Variants in PDE6D observed in about 807,000 individuals in gnomAD.
PDE6D encodes the protein retinal rod rhodopsin-sensitive cGMP 3',5'-cyclic phosphodiesterase subunit delta.
A neutral mutation model predicts 21.9 loss-of-function variants in PDE6D; 10 were observed. The observed-to-expected ratio is 0.46, with a 90% CI of 0.28 to 0.78. The LOEUF is 0.78. PDE6D is among the 30% of genes least tolerant of loss of function. The pLI is 0.12. For missense variants in PDE6D, 139 were observed against 184.8 expected, an observed-to-expected ratio of 0.75 and a Z score of 1.44; for synonymous variants, 59 against 63.5, an observed-to-expected ratio of 0.93 and a Z score of 0.34.
chr2:231,747,535 G>C (rs1301421422), intron 1 of PDE6D, among the ~76,000 whole-genome samples: 1 of 152,084 alleles, frequency 6.6e-6, no homozygotes, highest in Non-Finnish European at 1.5e-5. Flanking sequence ...ATTCTTTATT[G>C]TCTCCCATCT....
At chr2:231,767,864 G>A (rs973019594) in intron 1 of PDE6D, among the ~76,000 whole-genome samples, 1 of 139,424 alleles carries the variant, frequency 7.2e-6, no homozygotes, top group African/African-American at 2.7e-5. Context: ...TTCCAGACAA[G>A]TTCTTGCTCT....
At chr2:231,779,863 T>C (rs2049089642) in intron 1 of PDE6D, among the ~76,000 whole-genome samples, 1 of 152,224 alleles carries the variant, frequency 6.6e-6, no homozygotes, top group South Asian at 2.1e-4. Context: ...TTTCTGATTA[T>C]AGCAAAGCAA....
At chr2:231,757,108 G>A (rs1296983981) in intron 1 of PDE6D, among the ~76,000 whole-genome samples, 1 of 151,586 alleles carries the variant, frequency 6.6e-6, no homozygotes, top group African/African-American at 2.4e-5. Flanking sequence ...ACAGGTGTGT[G>A]CCACCACACC....
At chr2:231,774,822 C>G (rs911774828) in intron 1 of PDE6D, among the ~76,000 whole-genome samples, 3 of 152,064 alleles carry the variant, frequency 2.0e-5, no homozygotes, top group Non-Finnish European at 4.4e-5. Context: ...AATCCCTGAC[C>G]TCAAGTAATC....
chr2:231,738,962 T>C lies in PDE6D; in HGVS notation c.139+138A>G, dbSNP rs190726257. On this transcript the variant is annotated intron_variant, in intron 2 of 4. Transcript: ENST00000287600. ...AAAAAAAAGAAAGTAACTGAAACTG[T>C]CAACAACACATGGATTAACATGCTG... The C allele has an allele frequency of 1.5e-3, 751 of 514,942 alleles. 4 individuals carry two copies. The highest frequency in any genetic ancestry group is 6.4e-3 in the Middle Eastern group (11 of 1,716). 31.9% of individuals were successfully genotyped at this position (514,942 alleles called of 1,614,324 possible).
intron 1 of PDE6D, among the ~76,000 whole-genome samples, chr2:231,748,178 A>G (rs2048809793): frequency 6.6e-6 from 1 of 152,140 alleles, no homozygotes; most frequent in Non-Finnish European, 1.5e-5. Context: ...AGGGCTCAGA[A>G]GAAGACAGGA....
Position 231,781,259 on chromosome 2 carries a change from C to G in PDE6D, c.-145G>C. Reference sequence around the variant, plus strand: ...CGGCCAGACCAGGACCGGCCTCTCTCTCCCCTCAGCTCCCGCTTCTGATCC... The same window carrying G: ...CGGCCAGACCAGGACCGGCCTCTCTGTCCCCTCAGCTCCCGCTTCTGATCC... On this transcript the variant is annotated 5_prime_UTR_variant, in exon 1 of 5. Transcript: ENST00000287600. The G allele has an allele frequency of 3.0e-6, 2 of 670,576 alleles. No homozygotes were observed. The highest frequency in any genetic ancestry group is 1.8e-5 in the South Asian group (1 of 55,902). 41.5% of individuals were successfully genotyped at this position (670,576 alleles called of 1,614,324 possible).
chr2:231,766,546 G>A (rs1472796321), intron 1 of PDE6D, among the ~76,000 whole-genome samples: 1 of 152,100 alleles, frequency 6.6e-6, no homozygotes, highest in Non-Finnish European at 1.5e-5. Context: ...GTTCCCAAAA[G>A]GGCCACTGTT....
chr2:231,770,268 G>A (rs967311136), intron 1 of PDE6D, among the ~76,000 whole-genome samples: 12 of 152,068 alleles, frequency 7.9e-5, no homozygotes, highest in African/African-American at 2.7e-4. Flanking sequence ...TGACTACAGA[G>A]GACAATGTTT....
intron 4 of PDE6D, among the ~76,000 whole-genome samples, chr2:231,734,846 C>CAA (rs781430047): frequency 0.012 from 779 of 65,050 alleles, 12 homozygotes; most frequent in African/African-American, 0.044. Flanking sequence ...GACTCCGTCT[C>CAA]AAAAAAAAAA....
chr2:231,771,430 T>G (rs1216286726), intron 1 of PDE6D, among the ~76,000 whole-genome samples: 1 of 152,218 alleles, frequency 6.6e-6, no homozygotes, highest in Non-Finnish European at 1.5e-5. Flanking sequence ...GCCTCGTCGA[T>G]CCTCAATTCC....
chr2:231,753,289 C>A (rs780316442), intron 1 of PDE6D, among the ~76,000 whole-genome samples: 3 of 150,768 alleles, frequency 2.0e-5, no homozygotes, highest in Non-Finnish European at 4.4e-5. Flanking sequence ...TTTGGGAGGT[C>A]GAAGTGGGCG....
chr2:231,750,750 T>C (rs1195303872), intron 1 of PDE6D, among the ~76,000 whole-genome samples: 1 of 150,304 alleles, frequency 6.7e-6, no homozygotes, highest in East Asian at 1.9e-4. Context: ...TCAAGTGATC[T>C]GCCCACCTTG....
At chr2:231,759,903 C>A (rs916931506) in intron 1 of PDE6D, among the ~76,000 whole-genome samples, 5 of 152,070 alleles carry the variant, frequency 3.3e-5, no homozygotes, top group African/African-American at 1.2e-4. Flanking sequence ...GACATAGCCC[C>A]CAAAACAGGG....
chr2:231,743,538 G>A (rs1243806979), intron 1 of PDE6D, among the ~76,000 whole-genome samples: 1 of 151,688 alleles, frequency 6.6e-6, no homozygotes, highest in African/African-American at 2.4e-5. Context: ...CAACCTGCTT[G>A]TGGGCATCCC....
At chr2:231,770,634 A>G (rs2049007417) in intron 1 of PDE6D, among the ~76,000 whole-genome samples, 1 of 152,120 alleles carries the variant, frequency 6.6e-6, no homozygotes, top group African/African-American at 2.4e-5. Flanking sequence ...CCTGGGCAAC[A>G]TGGCAAAATC....
chr2:231,736,086 C>T lies in PDE6D; in HGVS notation c.371+1101G>A, dbSNP rs955728385. Among the ~76,000 whole-genome samples, 100 of 151,612 alleles carry T rather than the reference C, an allele frequency of 6.6e-4. 2 individuals are homozygous for T. Among genetic ancestry groups the T allele is most frequent in the Non-Finnish European group, 1.3e-4 (9 of 67,946 alleles). On this transcript the variant is annotated intron_variant, in intron 4 of 4. Transcript: ENST00000287600. ...AGGCATGGTGGCACATGCCTGTAGT[C>T]TCACCTACTTAGGAGGCTGAGCTAG...
At chr2:231,734,928 T>C (rs900380283) in intron 4 of PDE6D, among the ~76,000 whole-genome samples, 4 of 148,260 alleles carry the variant, frequency 2.7e-5, no homozygotes, top group African/African-American at 1.0e-4. Flanking sequence ...GATATAAAAA[T>C]AGCTACTACT....
At chr2:231,766,013 C>T (rs2048968130) in intron 1 of PDE6D, among the ~76,000 whole-genome samples, 1 of 152,180 alleles carries the variant, frequency 6.6e-6, no homozygotes, top group African/African-American at 2.4e-5. Flanking sequence ...TCTTAAGGAC[C>T]AATTCTAATT....
Sources: allele counts gnomAD v4.1 joint callset (sites outside exome capture counted in the v4.1 genomes callset), GRCh38; gene constraint gnomAD v4.1.1; transcripts MANE v1.5; gene names NCBI Gene and HGNC (gene_info 2026-07-23, HGNC 2026-07-21).